HERC1: variants seen among roughly 807,000 people sequenced by gnomAD.
HERC1 encodes probable E3 ubiquitin-protein ligase HERC1.
A neutral mutation model predicts 554.3 loss-of-function variants in HERC1; 160 were observed. The ratio of observed to expected loss-of-function variants is 0.29; its 90% confidence interval spans 0.25 to 0.33. HERC1 has a LOEUF of 0.33. Ranked by LOEUF, HERC1 falls within the 10% of genes least tolerant of loss-of-function variation. The pLI is 1.00. For missense variants in HERC1, 4,919 were observed against 5,918.5 expected, an observed-to-expected ratio of 0.83 and a Z score of 5.54; for synonymous variants, 2,175 against 2,131.7, an observed-to-expected ratio of 1.02 and a Z score of -0.56.
chr15:63,693,931 G>T, intron 30 of HERC1, 33 bp downstream of exon 30: 2 of 1,535,520 alleles, frequency 1.3e-6, no homozygotes, highest in Non-Finnish European at 1.8e-6. Flanking sequence ...ATAAATGCTT[G>T]TAAGTAAAGA....
Position 63,664,359 on chromosome 15 carries a change from T to C in HERC1, c.8680+111A>G, listed in dbSNP as rs2070508021. On this transcript the variant is annotated intron_variant, in intron 43 of 77. Transcript: ENST00000443617. ...TATCCAAATAGCTGTTCTGTTAATGTGGAGGGACTGAGCACTTAGTATCAT... is the reference window on the plus strand; with the variant it reads ...TATCCAAATAGCTGTTCTGTTAATGCGGAGGGACTGAGCACTTAGTATCAT... 8 of 887,338 alleles carry C rather than the reference T, an allele frequency of 9.0e-6. No homozygotes were observed. The South Asian group carries it at 1.1e-4, about 12-fold the overall frequency. The allele number at this position is 887,338 out of a possible 1,614,324, so 55.0% of individuals were successfully genotyped here.
At position 63,723,266 on chromosome 15, in the gene HERC1, C is replaced by A. The variant is rs752662390; in HGVS notation, c.3658G>T (p.Val1220Phe). Reference sequence around the variant, plus strand: ...CAACCCAATGCCAAGTCTACATAGACAGCAATTTCAGGCCGCAATTTATAA... The same window carrying A: ...CAACCCAATGCCAAGTCTACATAGAAAGCAATTTCAGGCCGCAATTTATAA... ...FDYKLRPEIA[V>F]YVDLALGCSK... Residue 1220 changes from valine (V) to phenylalanine (F), a missense_variant, in exon 19 of 78, where the codon GTC (valine) becomes TTC (phenylalanine). Physicochemically the swap from Val to Phe is conservative, Grantham distance 50. Coordinates refer to ENST00000443617, the MANE Select transcript of HERC1 (RefSeq NM_003922.4). The A allele has an allele frequency of 6.3e-7, 1 of 1,598,354 alleles. No homozygotes were observed. The highest frequency in any genetic ancestry group is 1.7e-5 in the Admixed American group (1 of 57,848).
At chr15:63,769,037 G>A (rs973232826) in intron 2 of HERC1, among the ~76,000 whole-genome samples, 2 of 152,198 alleles carry the variant, frequency 1.3e-5, no homozygotes, top group African/African-American at 4.8e-5. Context: ...TGTAATGACT[G>A]TTGTTAATTT....
At chr15:63,753,354 TTCTG>T (rs1596157948) in intron 7 of HERC1, among the ~76,000 whole-genome samples, 1 of 152,346 alleles carries the variant, frequency 6.6e-6, no homozygotes, top group East Asian at 1.9e-4. Flanking sequence ...ACAATTATTT[TTCTG>T]TCTTTCTCCC....
chr15:63,748,515 G>A (rs1043867494), intron 10 of HERC1, among the ~76,000 whole-genome samples: 1 of 152,096 alleles, frequency 6.6e-6, no homozygotes, highest in Non-Finnish European at 1.5e-5. Flanking sequence ...TGACTCTATA[G>A]AGTGATATAC....
chr15:63,760,202 G>C (rs2075561482), intron 3 of HERC1, among the ~76,000 whole-genome samples: 1 of 151,916 alleles, frequency 6.6e-6, no homozygotes, highest in African/African-American at 2.4e-5. Context: ...GAACAAACTG[G>C]AAAACGACTT....
chr15:63,780,343 CA>C (rs2076250492), intron 1 of HERC1: 1 of 151,916 alleles, frequency 6.6e-6, no homozygotes, highest in Admixed American at 6.6e-5. Context: ...CAAAATTATA[CA>C]AAGACAGAAC....
At chr15:63,770,621 A>G (rs2075923235) in intron 2 of HERC1, among the ~76,000 whole-genome samples, 1 of 152,258 alleles carries the variant, frequency 6.6e-6, no homozygotes, top group Non-Finnish European at 1.5e-5. Context: ...TGTTCCCACC[A>G]AATTCATTAC....
intron 1 of HERC1, among the ~76,000 whole-genome samples, chr15:63,783,200 G>A (rs763699648): frequency 1.5e-4 from 23 of 152,144 alleles, no homozygotes; most frequent in Non-Finnish European, 3.1e-4. Context: ...AACATTGCAT[G>A]CTACAGAGAA....
intron 16 of HERC1, 71 bp downstream of exon 16, chr15:63,729,164 TA>T: frequency 1.5e-6 from 2 of 1,374,812 alleles, no homozygotes; most frequent in Non-Finnish European, 2.0e-6. Context: ...CTGGCTCTCT[TA>T]AGACTTTGGA....
intron 34 of HERC1, among the ~76,000 whole-genome samples, chr15:63,681,120 T>C (rs1715407395): frequency 6.6e-6 from 1 of 152,224 alleles, no homozygotes; most frequent in African/African-American, 2.4e-5. Flanking sequence ...ACTACTCTCT[T>C]GCATATACCT....
intron 73 of HERC1, 100 bp downstream of exon 73, chr15:63,623,625 C>T: frequency 1.7e-6 from 2 of 1,147,794 alleles, no homozygotes; most frequent in Non-Finnish European, 2.5e-6. Context: ...TGCATCCTTG[C>T]TACATTTATA....
intron 1 of HERC1, among the ~76,000 whole-genome samples, chr15:63,803,265 A>C (rs2077045110): frequency 6.6e-6 from 1 of 152,210 alleles, no homozygotes; most frequent in African/African-American, 2.4e-5. Flanking sequence ...TTTTCCAGGA[A>C]GGGAAGTGGA....
In HERC1 at chr15:63,692,416, G is replaced by C; in HGVS notation, c.5825C>G (p.Ser1942Cys). The change falls in exon 31 of 78, where the codon TCT becomes TGT. Residue 1942 changes from serine (S) to cysteine (C), a missense_variant. Around this residue, in one of 11 missense-constraint regions of HERC1, gnomAD observed 1,121 missense variants for 1,244.0 expected, o/e 0.90. Coordinates refer to ENST00000443617, the MANE Select transcript of HERC1 (RefSeq NM_003922.4). The surrounding 1 kb of genome is among the most constrained non-coding windows in gnomAD (Gnocchi z 4.7). ...CAAAGGCAAAGGACATGTACCTGAA[G>C]AACATTTCTGAGATGCTATATTTAG... The part of the protein sequence containing the change: ...VLLNIASQKC[S>C]SGIPLVGNLR... 8 of 1,599,898 alleles carry C rather than the reference G, an allele frequency of 5.0e-6. No individual in the cohort carries two copies. Among genetic ancestry groups the C allele is most frequent in the Non-Finnish European group, 6.8e-6 (8 of 1,175,804 alleles).
chr15:63,723,349 C>G lies in HERC1; in HGVS notation c.3575G>C (p.Cys1192Ser). 6.5e-7 allele frequency: 1 copy of G among 1,550,010 alleles called. No homozygotes were observed. The highest frequency in any genetic ancestry group is 8.7e-7 in the Non-Finnish European group (1 of 1,145,616). Residue 1192 changes from cysteine to serine, a missense_variant, in exon 19 of 78, where the codon TGT becomes TCT. Cys to Ser is a moderately radical substitution (Grantham distance 112). Transcript: ENST00000443617. ...VEMDTPQLDKCMSCLLEVALS... is the reference protein window; with the variant it reads ...VEMDTPQLDKSMSCLLEVALS... ...TGCTACTTCTAACAGGCAACTCATA[C>G]ATTTATCTAAAAAAAATACTCACGT...
chr15:63,779,958 G>C (rs1203936729), intron 1 of HERC1: 1 of 138,820 alleles, frequency 7.2e-6, no homozygotes, highest in Non-Finnish European at 1.5e-5. Context: ...AGGTTGCAGT[G>C]AGCCGAGATC....
chr15:63,676,913 CATTA>C (rs2071241538), intron 37 of HERC1, among the ~76,000 whole-genome samples: 1 of 152,138 alleles, frequency 6.6e-6, no homozygotes, highest in South Asian at 2.1e-4. Context: ...TATGTAGAGT[CATTA>C]GACAAATGAG....
chr15:63,830,478 A>G (rs1418438833), intron 1 of HERC1, among the ~76,000 whole-genome samples: 3 of 152,178 alleles, frequency 2.0e-5, no homozygotes, highest in Non-Finnish European at 4.4e-5. Flanking sequence ...AATGAAGAAG[A>G]CACAACAACT....
At chr15:63,779,126 GA>G (rs534445110) in intron 1 of HERC1, among the ~76,000 whole-genome samples, 57 of 151,530 alleles carry the variant, frequency 3.8e-4, no homozygotes, top group Middle Eastern at 3.4e-3. Flanking sequence ...AAAAAGATAA[GA>G]AAAAAGAATA....
Sources: gnomAD v4.1 joint callset for allele counts (sites outside exome capture counted in the v4.1 genomes callset) on GRCh38, gnomAD v4.1.1 for gene constraint, gnomAD v4.1.1 regional missense constraint, Gnocchi (gnomAD v3.1) non-coding constraint, MANE v1.5 for transcripts, NCBI Gene and HGNC (gene_info 2026-07-23, HGNC 2026-07-21) for gene names.